The following PDPN variants were observed in gnomAD, a reference collection of about 807,000 sequenced individuals.
PDPN encodes the protein PA2.26 antigen.
A neutral mutation model predicts 23.2 loss-of-function variants in PDPN; 12 were observed. The ratio of observed to expected loss-of-function variants is 0.52; its 90% CI spans 0.33 to 0.84. The LOEUF (loss-of-function observed/expected upper bound fraction) is 0.84, where lower values mean the gene tolerates loss of function less well. Ranked by LOEUF, PDPN falls within the 40% of genes least tolerant of loss-of-function variation. PDPN has a pLI of 0.02. For synonymous variants in PDPN, 77 were observed against 76.7 expected, an observed-to-expected ratio of 1.00 and a Z score of -0.02; for missense variants, 199 against 212.2, an observed-to-expected ratio of 0.94 and a Z score of 0.39.
In PDPN at chr1:13,583,882, C is replaced by A; in HGVS notation, c.-152C>A. ...CCTAGGGTCTGGGAAGCTCGGGCAC[C>A]CTCCCTCTCCGGGGCTCCTGCTCCC... On this transcript the variant is annotated 5_prime_UTR_variant, in exon 1 of 6. Transcript: ENST00000621990. 6.2e-7 allele frequency: 1 copy of A among 1,610,102 alleles called. No homozygotes were observed. Among genetic ancestry groups the A allele is most frequent in the Non-Finnish European group, 8.5e-7 (1 of 1,177,966 alleles).
chr1:13,610,154 C>T (rs1640896797), intron 2 of PDPN, among the ~76,000 whole-genome samples: 1 of 152,220 alleles, frequency 6.6e-6, no homozygotes, highest in Non-Finnish European at 1.5e-5. Flanking sequence ...CTTCTGTCTG[C>T]AGACGCTTGG....
intron 1 of PDPN, among the ~76,000 whole-genome samples, chr1:13,588,671 T>A (rs1462172364): frequency 1.4e-5 from 2 of 146,142 alleles, no homozygotes; most frequent in African/African-American, 2.5e-5. Flanking sequence ...ATATATAAAA[T>A]ATATATATAA....
At chr1:13,588,600 TTA>T (rs1640245082) in intron 1 of PDPN, among the ~76,000 whole-genome samples, 1 of 147,364 alleles carries the variant, frequency 6.8e-6, no homozygotes, top group South Asian at 2.1e-4. Flanking sequence ...TAACTATATA[TTA>T]TATATTTACA....
chr1:13,586,850 G>C lies in PDPN; in HGVS notation c.67+2750G>C, dbSNP rs188131352. On this transcript the variant is annotated intron_variant, in intron 1 of 5. Coordinates refer to ENST00000621990, the MANE Select transcript of PDPN (RefSeq NM_006474.5). The stretch of plus-strand genomic sequence containing the variant: ...GGGCGGATCATGAAGTCAGGAGTTC[G>C]AGACCAGCCTGGCCAATATGGTGAA... Among the ~76,000 whole-genome samples, 317 of 150,266 alleles carry C rather than the reference G, an allele frequency of 2.1e-3. 3 individuals are homozygous for C. Among genetic ancestry groups the C allele is most frequent in the African/African-American group, 7.4e-3 (304 of 40,872 alleles).
chr1:13,584,859 G>C (rs953077292), intron 1 of PDPN, among the ~76,000 whole-genome samples: 2 of 152,184 alleles, frequency 1.3e-5, no homozygotes, highest in Non-Finnish European at 2.9e-5. Flanking sequence ...CCATGTTGGG[G>C]TGGGGGCGTC....
intron 5 of PDPN, among the ~76,000 whole-genome samples, chr1:13,615,052 T>C (rs1266800090): frequency 1.3e-5 from 2 of 152,174 alleles, no homozygotes; most frequent in Non-Finnish European, 2.9e-5. Flanking sequence ...AAAAGGCTTC[T>C]AGAAAACCGC....
At chr1:13,606,498 G>A (rs1417794055) in intron 1 of PDPN, among the ~76,000 whole-genome samples, 1 of 152,096 alleles carries the variant, frequency 6.6e-6, no homozygotes, top group Admixed American at 6.6e-5. Context: ...AATGGAGAGA[G>A]AGTTTGCTTT....
rs956475387 is a variant in PDPN, at chr1:13,584,456, G to C, written c.67+356G>C. The C allele has an allele frequency of 7.1e-6, 5 of 702,936 alleles. No homozygotes were observed. The Admixed American group carries it at 9.1e-5, about 13-fold the overall frequency. The allele number at this position is 702,936 out of a possible 1,614,324, so 43.5% of individuals were successfully genotyped here. On this transcript the variant is annotated intron_variant, in intron 1 of 5. Coordinates refer to ENST00000621990, the MANE Select transcript of PDPN (RefSeq NM_006474.5). ...CAGTGGCTGGGGTTTCCTTCCCATA[G>C]AGCGGTGTGTTGGAGGAATACGCAC...
chr1:13,608,787 A>ACTG (rs1640859901), intron 2 of PDPN, among the ~76,000 whole-genome samples: 1 of 152,196 alleles, frequency 6.6e-6, no homozygotes, highest in Non-Finnish European at 1.5e-5. Context: ...TGTCCCTACT[A>ACTG]CTGTGTCCAT....
Position 13,592,549 on chromosome 1 carries a change from T to A in PDPN, c.67+8449T>A, listed in dbSNP as rs1330167903. On this transcript the variant is annotated intron_variant, in intron 1 of 5. Coordinates refer to ENST00000621990, the MANE Select transcript of PDPN (RefSeq NM_006474.5). ...ACCATTTGTTGAAAAGATGATTTTT[T>A]TTTTTTTTTTTTTTTTTGAGACAGA... is the stretch of plus-strand genomic sequence containing the variant. Among the ~76,000 whole-genome samples, 4 of 148,382 alleles carry A rather than the reference T, an allele frequency of 2.7e-5. No individual in the cohort carries two copies. In the East Asian group the frequency reaches 7.8e-4, roughly 29 times the overall value.
At chr1:13,612,700 C>T (rs1011278138) in intron 3 of PDPN, among the ~76,000 whole-genome samples, 2 of 152,098 alleles carry the variant, frequency 1.3e-5, no homozygotes, top group East Asian at 3.9e-4. Flanking sequence ...CTTGTGGAGG[C>T]GCCTTGTGCT....
At chr1:13,596,060 A>G (rs987922459) in intron 1 of PDPN, 5 of 348,466 alleles carry the variant, frequency 1.4e-5, no homozygotes, top group Admixed American at 1.1e-4. Context: ...TTAGCTGGAC[A>G]TGGTGGCAGG....
At chr1:13,606,151 G>A (rs1211779806) in intron 1 of PDPN, among the ~76,000 whole-genome samples, 3 of 151,772 alleles carry the variant, frequency 2.0e-5, no homozygotes, top group Admixed American at 6.6e-5. Flanking sequence ...CACCACACCA[G>A]GCTAATTTTT....
intron 1 of PDPN, chr1:13,596,002 A>G (rs1054566868): frequency 4.2e-6 from 2 of 477,714 alleles, no homozygotes; most frequent in Non-Finnish European, 7.2e-6. Context: ...GTTTGAGAGC[A>G]GCCTGGTCAA....
chr1:13,612,820 G>A (rs1207460641), intron 3 of PDPN, among the ~76,000 whole-genome samples: 1 of 152,082 alleles, frequency 6.6e-6, no homozygotes, highest in East Asian at 1.9e-4. Flanking sequence ...GGAAGCTACT[G>A]GATATCTGGG....
In PDPN at chr1:13,584,068, G is replaced by C. The variant is rs140760055; in HGVS notation, c.35G>C (p.Gly12Ala). ...WKVSALLFVL[G>A]SASLWVLAEG... ...GTGTCAGCTCTGCTCTTCGTTTTGG[G>C]AAGCGCGTCGCTCTGGGTCCTGGCA... Residue 12 changes from glycine to alanine, a missense_variant, in exon 1 of 6, where the codon GGA becomes GCA. By Grantham distance (60) the Gly-to-Ala change is moderately conservative. Coordinates refer to ENST00000621990, the MANE Select transcript of PDPN (RefSeq NM_006474.5). The C allele has an allele frequency of 1.2e-5, 19 of 1,613,034 alleles. No individual in the cohort carries two copies. The highest frequency in any genetic ancestry group is 1.5e-5 in the Non-Finnish European group (18 of 1,180,006).
intron 3 of PDPN, among the ~76,000 whole-genome samples, chr1:13,611,868 T>C (rs1640943819): frequency 1.3e-5 from 2 of 152,190 alleles, no homozygotes; most frequent in Admixed American, 1.3e-4. Context: ...CAAGTTGAGC[T>C]AAGCAAAGAA....
chr1:13,614,875 T>A (rs777293034), intron 5 of PDPN: 17 of 503,996 alleles, frequency 3.4e-5, no homozygotes, highest in South Asian at 2.5e-4. Context: ...ACCTTATAAA[T>A]TTCCAAAATA....
chr1:13,584,166 A>G (rs1569999499), intron 1 of PDPN, 66 bp downstream of exon 1: 1 of 1,574,200 alleles, frequency 6.4e-7, no homozygotes, highest in Non-Finnish European at 8.7e-7. Flanking sequence ...GACTTGCTGG[A>G]ATGCCCGGGC....
Sources: allele counts gnomAD v4.1 joint callset (sites outside exome capture counted in the v4.1 genomes callset), GRCh38; gene constraint gnomAD v4.1.1; transcripts MANE v1.5; gene names NCBI Gene and HGNC (gene_info 2026-07-23, HGNC 2026-07-21).